Variants in KIAA0825 observed in about 807,000 individuals in gnomAD.
KIAA0825 encodes the protein uncharacterized protein KIAA0825.
Under a neutral mutation model 147.6 loss-of-function variants are expected in KIAA0825, and 119 were observed. The ratio of observed to expected loss-of-function variants is 0.81; its 90% CI spans 0.69 to 0.94. The LOEUF (loss-of-function observed/expected upper bound fraction) is 0.94, where lower values mean the gene tolerates loss of function less well. KIAA0825 is among the 40% of genes least tolerant of loss of function. The probability of loss-of-function intolerance (pLI) is 0.00; values close to 1 mark genes in which losing one functional copy is unlikely to be tolerated. For synonymous variants in KIAA0825, 470 were observed against 518.1 expected, an observed-to-expected ratio of 0.91 and a Z score of 1.26; for missense variants, 1,381 against 1,472.7, an observed-to-expected ratio of 0.94 and a Z score of 1.02.
intron 17 of KIAA0825, among the ~76,000 whole-genome samples, chr5:94,393,004 C>T (rs1366924458): frequency 2.6e-5 from 4 of 151,102 alleles, no homozygotes; most frequent in Admixed American, 6.6e-5. Flanking sequence ...AAATTCTTGT[C>T]GGGTTTTGTA....
Position 94,542,483 on chromosome 5 carries a change from G to C in KIAA0825, c.-1-5356C>G, listed in dbSNP as rs1773528025. Among the ~76,000 whole-genome samples, 3 of 152,106 alleles carry C rather than the reference G, an allele frequency of 2.0e-5. No homozygotes were observed. In the South Asian group the frequency reaches 6.2e-4, roughly 32 times the overall value. ...TATTTGTGAATGTTCTTAATTTATG[G>C]CAATATAGTTATTTGCATAAGTGCA... On this transcript the variant is annotated intron_variant, in intron 2 of 20. Transcript: ENST00000682413.
At chr5:94,441,253 T>C (rs1182735709) in intron 13 of KIAA0825, among the ~76,000 whole-genome samples, 1 of 140,228 alleles carries the variant, frequency 7.1e-6, no homozygotes, top group African/African-American at 2.6e-5. Context: ...TCAGAAATTC[T>C]GGGGCGGGGA....
At chr5:94,588,908 A>C (rs1278872468) in intron 1 of KIAA0825, among the ~76,000 whole-genome samples, 1 of 152,164 alleles carries the variant, frequency 6.6e-6, no homozygotes, top group African/African-American at 2.4e-5. Context: ...TTCTCAGCAA[A>C]CTATCACAAG....
intron 15 of KIAA0825, among the ~76,000 whole-genome samples, chr5:94,406,221 G>A (rs1377009553): frequency 6.6e-6 from 1 of 152,140 alleles, no homozygotes; most frequent in East Asian, 1.9e-4. Flanking sequence ...CACTGAGCCT[G>A]GCCTACCGCT....
chr5:94,416,700 A>G (rs1174384120), intron 15 of KIAA0825: 1 of 155,940 alleles, frequency 6.4e-6, no homozygotes, highest in African/African-American at 2.4e-5. Flanking sequence ...AACAATACAG[A>G]TGGGAAAAAT....
chr5:94,504,654 TTTA>T (rs1262013946), intron 5 of KIAA0825, among the ~76,000 whole-genome samples: 4 of 152,154 alleles, frequency 2.6e-5, no homozygotes, highest in Non-Finnish European at 5.9e-5. Flanking sequence ...ATTATAAATC[TTTA>T]TTAACACAGG....
rs1438092945 is a variant in KIAA0825 at position 94,462,470 on chromosome 5, A to G, written c.2163T>C (p.Asp721=). The G allele has an allele frequency of 2.6e-6, 4 of 1,537,546 alleles. No homozygotes were observed. Among genetic ancestry groups the G allele is most frequent in the Non-Finnish European group, 3.5e-6 (4 of 1,135,634 alleles). The change falls in exon 12 of 21, where the codon GAT becomes GAC. Residue 721 remains aspartate, a synonymous_variant. Coordinates refer to ENST00000682413, the MANE Select transcript of KIAA0825 (RefSeq NM_001145678.3). ...AATGAGTGTGAATTTTAAAAATTTT[A>G]TCATCTGTATGCTGATGAGGATTCA... ...KLLNPHQHTD[D]KIFKIHTHCN...
intron 20 of KIAA0825, among the ~76,000 whole-genome samples, chr5:94,168,134 C>T (rs1457627436): frequency 6.6e-6 from 1 of 151,512 alleles, no homozygotes; most frequent in African/African-American, 2.4e-5. Flanking sequence ...TATGTCCAAA[C>T]TCAATACTAT....
chr5:94,391,784 A>ACATC, intron 17 of KIAA0825, 90 bp from the exon 18 acceptor site: 1 of 1,107,650 alleles, frequency 9.0e-7, no homozygotes, highest in Non-Finnish European at 1.3e-6. Flanking sequence ...GAGTTGATGT[A>ACATC]AATCTCAGAT....
At chr5:94,431,417 C>T (rs1167409648) in intron 14 of KIAA0825, among the ~76,000 whole-genome samples, 3 of 152,172 alleles carry the variant, frequency 2.0e-5, no homozygotes, top group Admixed American at 2.0e-4. Context: ...GTGTCATGAA[C>T]CAGGCCAGGC....
intron 20 of KIAA0825, among the ~76,000 whole-genome samples, chr5:94,232,925 A>G (rs1774818924): frequency 6.6e-6 from 1 of 152,150 alleles, no homozygotes; most frequent in Non-Finnish European, 1.5e-5. Flanking sequence ...TCCTGTATAA[A>G]AGTTAGGGAT....
rs559259668 is a variant in KIAA0825, at chr5:94,152,348, A to T, written c.*1659T>A. On this transcript the variant is annotated 3_prime_UTR_variant, in exon 21 of 21. Coordinates refer to ENST00000682413, the MANE Select transcript of KIAA0825 (RefSeq NM_001145678.3). Reference sequence around the variant, plus strand: ...AATTTATTATATATCTGAGAACATCAGAAAACATGAAGTTTGATGTCATAT... The same window carrying T: ...AATTTATTATATATCTGAGAACATCTGAAAACATGAAGTTTGATGTCATAT... Among the ~76,000 whole-genome samples the T allele has an allele frequency of 6.6e-6, 1 of 152,342 alleles. No individual in the cohort carries two copies. The highest frequency in any genetic ancestry group is 2.1e-4 in the South Asian group (1 of 4,830).
At chr5:94,165,706 C>T (rs1276818476) in intron 20 of KIAA0825, among the ~76,000 whole-genome samples, 5 of 152,072 alleles carry the variant, frequency 3.3e-5, no homozygotes, top group East Asian at 1.9e-4. Context: ...TGCAACAGCA[C>T]GGATGGAACT....
At chr5:94,386,850 C>T (rs939996385) in intron 18 of KIAA0825, among the ~76,000 whole-genome samples, 6 of 152,226 alleles carry the variant, frequency 3.9e-5, no homozygotes, top group African/African-American at 1.4e-4. Flanking sequence ...TGATATTTTA[C>T]TGCAAGCAGT....
chr5:94,306,029 C>T (rs1161734526), intron 20 of KIAA0825, among the ~76,000 whole-genome samples: 1 of 151,820 alleles, frequency 6.6e-6, no homozygotes, highest in East Asian at 1.9e-4. Context: ...CCCACCTCTC[C>T]AATGGCCCAA....
intron 1 of KIAA0825, among the ~76,000 whole-genome samples, chr5:94,600,643 T>C (rs1786229937): frequency 6.6e-6 from 1 of 152,182 alleles, no homozygotes. Flanking sequence ...CCATCACTGA[T>C]TCACTTACCT....
At chr5:94,372,994 T>C (rs1053330325) in intron 20 of KIAA0825, among the ~76,000 whole-genome samples, 1 of 152,196 alleles carries the variant, frequency 6.6e-6, no homozygotes, top group Admixed American at 6.5e-5. Context: ...TGCTAACACA[T>C]AGCAAGAGTC....
At chr5:94,554,683 A>T (rs1776181878) in intron 2 of KIAA0825, among the ~76,000 whole-genome samples, 1 of 140,924 alleles carries the variant, frequency 7.1e-6, no homozygotes, top group Admixed American at 7.3e-5. Context: ...ACTCTTTTGT[A>T]GCACTTATAT....
chr5:94,327,978 C>G (rs184448392), intron 20 of KIAA0825, among the ~76,000 whole-genome samples: 19 of 152,214 alleles, frequency 1.2e-4, no homozygotes, highest in Non-Finnish European at 2.6e-4. Flanking sequence ...TGCACTCCAG[C>G]CTGGTGACAG....
Sources: allele counts gnomAD v4.1 joint callset (sites outside exome capture counted in the v4.1 genomes callset), GRCh38; gene constraint gnomAD v4.1.1; transcripts MANE v1.5; gene names NCBI Gene and HGNC (gene_info 2026-07-23, HGNC 2026-07-21).